The following EFEMP1 variants were observed in gnomAD, a reference collection of about 807,000 sequenced individuals.
EFEMP1 encodes EGF-like fibulin extracellular matrix protein 1.
In EFEMP1, 18 loss-of-function variants were observed where a neutral mutation model predicts 65.7. The observed-to-expected ratio is 0.27, with a 90% CI of 0.19 to 0.41. The LOEUF (loss-of-function observed/expected upper bound fraction) is 0.41. Among genes scored for constraint, EFEMP1 ranks in the 10% least tolerant of loss-of-function variants. The pLI is 1.00. For synonymous variants in EFEMP1, 237 were observed against 219.7 expected (o/e 1.08, Z -0.70); for missense variants, 469 against 624.8 (o/e 0.75, Z 2.66).
rs1670738079 is a variant in EFEMP1, at chr2:55,917,416, C to G, written c.517+249G>C. Among the ~76,000 whole-genome samples the G allele has an allele frequency of 6.6e-6, 1 of 152,126 alleles. No homozygotes were observed. Among genetic ancestry groups the G allele is most frequent in the Non-Finnish European group, 1.5e-5 (1 of 68,022 alleles). Reference sequence around the variant, plus strand: ...AAGTTTTAAAGGTTCCCAAGTGACTCTAAATATGGGCAGCTAGGGTTGGGA... The same window carrying G: ...AAGTTTTAAAGGTTCCCAAGTGACTGTAAATATGGGCAGCTAGGGTTGGGA... On this transcript the variant is annotated intron_variant, in intron 5 of 11. Coordinates refer to ENST00000355426, the MANE Select transcript of EFEMP1 (RefSeq NM_001039348.3). The surrounding 1 kb of genome is among the most constrained non-coding windows in gnomAD (Gnocchi z 6.3).
At chr2:55,905,555 C>T (rs1243178091) in intron 5 of EFEMP1, among the ~76,000 whole-genome samples, 1 of 152,168 alleles carries the variant, frequency 6.6e-6, no homozygotes, top group Non-Finnish European at 1.5e-5. Context: ...TCAAGCGATT[C>T]TCCTGTCTCA....
chr2:55,892,930 T>C (rs1313537823), intron 5 of EFEMP1, among the ~76,000 whole-genome samples: 1 of 152,194 alleles, frequency 6.6e-6, no homozygotes, highest in African/African-American at 2.4e-5. Flanking sequence ...TATTCCAAGT[T>C]TTCATTTTGA....
Position 55,867,400 on chromosome 2 carries a change from C to A in EFEMP1, c.1321-166G>T, listed in dbSNP as rs1043795183. Among the ~76,000 whole-genome samples the A allele has an allele frequency of 1.3e-5, 2 of 151,298 alleles. No homozygotes were observed. The highest frequency in any genetic ancestry group is 4.9e-5 in the African/African-American group (2 of 41,168). On this transcript the variant is annotated intron_variant, in intron 11 of 11. Coordinates refer to ENST00000355426, the MANE Select transcript of EFEMP1 (RefSeq NM_001039348.3). The surrounding 1 kb of genome is among the most constrained non-coding windows in gnomAD (Gnocchi z 4.3). ...GGTTTCAACTCTTCTTGGCTCTTAT[C>A]CCTTGTCTAATACAGTCATTAGCTC...
intron 6 of EFEMP1, among the ~76,000 whole-genome samples, chr2:55,878,564 C>T (rs1669121112): frequency 6.6e-6 from 1 of 152,136 alleles, no homozygotes. Context: ...ATTCATGATT[C>T]TACACTTTGT....
Position 55,881,613 on chromosome 2 carries a change from T to A in EFEMP1, c.639A>T (p.Val213=), listed in dbSNP as rs1406957073. ...TGCTCACTGCACTGTGGTACTTACC[T>A]ACGCACTGCTCCCCTCGCTTCTGAT... ...PGYQKRGEQC[V]DIDECTIPPY... Residue 213 remains valine (V), a splice_region_variant and synonymous_variant, in exon 6 of 12, where the codon GTA becomes GTT. Coordinates refer to ENST00000355426, the MANE Select transcript of EFEMP1 (RefSeq NM_001039348.3). 1 of 1,613,644 alleles carries A rather than the reference T, an allele frequency of 6.2e-7. No homozygotes were observed. Among genetic ancestry groups the A allele is most frequent in the East Asian group, 2.2e-5 (1 of 44,868 alleles).
rs1668637566 is a variant in EFEMP1 at position 55,867,733 on chromosome 2, G to T, written c.1321-499C>A. Reference sequence around the variant, plus strand: ...CGTATGAAGATACATAAAGGTGTATGTATAAAGGGAAGAAAAGGAAGAGCC... The same window carrying T: ...CGTATGAAGATACATAAAGGTGTATTTATAAAGGGAAGAAAAGGAAGAGCC... On this transcript the variant is annotated intron_variant, in intron 11 of 11. Coordinates refer to ENST00000355426, the MANE Select transcript of EFEMP1 (RefSeq NM_001039348.3). The surrounding 1 kb of genome is among the most constrained non-coding windows in gnomAD (Gnocchi z 4.3). Among the ~76,000 whole-genome samples the T allele has an allele frequency of 1.3e-5, 2 of 152,164 alleles. No individual in the cohort carries two copies. Among genetic ancestry groups the T allele is most frequent in the South Asian group, 4.1e-4 (2 of 4,836 alleles).
At chr2:55,874,152 A>G (rs1376187490) in intron 9 of EFEMP1, among the ~76,000 whole-genome samples, 1 of 152,064 alleles carries the variant, frequency 6.6e-6, no homozygotes, top group Non-Finnish European at 1.5e-5. Flanking sequence ...TGGGATTCAA[A>G]CAGGTTTTCT....
chr2:55,898,249 T>C (rs1198271092), intron 5 of EFEMP1, among the ~76,000 whole-genome samples: 1 of 152,178 alleles, frequency 6.6e-6, no homozygotes, highest in Non-Finnish European at 1.5e-5. Flanking sequence ...TTGATGCTTA[T>C]CTTTGTAATA....
chr2:55,902,584 C>T (rs141432317), intron 5 of EFEMP1, among the ~76,000 whole-genome samples: 1 of 152,296 alleles, frequency 6.6e-6, no homozygotes, highest in Non-Finnish European at 1.5e-5. Context: ...CGTAATTACC[C>T]ATGTCAGTGC....
Position 55,876,962 on chromosome 2 carries a change from C to G in EFEMP1, c.761-220G>C, listed in dbSNP as rs573737207. Among the ~76,000 whole-genome samples, 364 of 152,136 alleles carry G rather than the reference C, an allele frequency of 2.4e-3. 2 individuals are homozygous for G. The highest frequency in any genetic ancestry group is 7.7e-3 in the African/African-American group (319 of 41,546). ...AACTACAAACGTCTGTCATATACTT[C>G]TTTTGGAAATACCGAAATATTTTTT... is the stretch of plus-strand genomic sequence containing the variant. On this transcript the variant is annotated intron_variant, in intron 7 of 11. Coordinates refer to ENST00000355426, the MANE Select transcript of EFEMP1 (RefSeq NM_001039348.3).
chr2:55,903,732 T>C (rs1303803326), intron 5 of EFEMP1, among the ~76,000 whole-genome samples: 1 of 152,200 alleles, frequency 6.6e-6, no homozygotes, highest in African/African-American at 2.4e-5. Context: ...ACCTTTTCTA[T>C]TTTCCTTCAT....
intron 5 of EFEMP1, among the ~76,000 whole-genome samples, chr2:55,898,077 C>G (rs2903835): frequency 0.027 from 4,036 of 152,238 alleles, 184 homozygotes; most frequent in African/African-American, 0.092. Flanking sequence ...CATATTCCTT[C>G]AGTCATACAC....
At chr2:55,900,220 T>A (rs1669979770) in intron 5 of EFEMP1, among the ~76,000 whole-genome samples, 1 of 152,114 alleles carries the variant, frequency 6.6e-6, no homozygotes, top group South Asian at 2.1e-4. Flanking sequence ...TATTAGCAAA[T>A]GGATGGCTGA....
At position 55,877,493 on chromosome 2, in the gene EFEMP1, T is replaced by A. The variant is rs1187139457; in HGVS notation, c.760+253A>T. On this transcript the variant is annotated intron_variant, in intron 7 of 11. Transcript: ENST00000355426. The surrounding 1 kb of genome is among the most constrained non-coding windows in gnomAD (Gnocchi z 4.5). ...CTGCTGATTGACTGGTGTATGTATA[T>A]CAATTGATTTGTAGTTTTAAATTTG... Among the ~76,000 whole-genome samples the A allele has an allele frequency of 3.3e-5, 5 of 152,180 alleles. No individual in the cohort carries two copies. The highest frequency in any genetic ancestry group is 9.7e-5 in the African/African-American group (4 of 41,442).
intron 5 of EFEMP1, among the ~76,000 whole-genome samples, chr2:55,898,503 T>C (rs1386420442): frequency 1.3e-5 from 2 of 152,172 alleles, no homozygotes; most frequent in African/African-American, 2.4e-5. Context: ...GTTAATGCAA[T>C]TCTTTCTTTA....
rs535582672 is a variant in EFEMP1 at position 55,923,738 on chromosome 2, C to G, written c.-76G>C. Reference sequence around the variant, plus strand: ...GTGCGGCCGCGCTGCGCTCCGGGCCCGGGCAGCGAGGGGAGTGCGCAGGGG... The same window carrying G: ...GTGCGGCCGCGCTGCGCTCCGGGCCGGGGCAGCGAGGGGAGTGCGCAGGGG... On this transcript the variant is annotated 5_prime_UTR_variant, in exon 1 of 12. Coordinates refer to ENST00000355426, the MANE Select transcript of EFEMP1 (RefSeq NM_001039348.3). The surrounding 1 kb of genome is among the most constrained non-coding windows in gnomAD (Gnocchi z 5.3). 5 of 985,776 alleles carry G rather than the reference C, an allele frequency of 5.1e-6. No individual in the cohort carries two copies. The highest frequency in any genetic ancestry group is 3.6e-6 in the Non-Finnish European group (3 of 830,298). The allele number at this position is 985,776 out of a possible 1,614,324, so 61.1% of individuals were successfully genotyped here.
At chr2:55,915,283 C>T (rs902645636) in intron 5 of EFEMP1, among the ~76,000 whole-genome samples, 1 of 152,138 alleles carries the variant, frequency 6.6e-6, no homozygotes, top group Non-Finnish European at 1.5e-5. Flanking sequence ...CCTGTGTGCA[C>T]ACAGTCAACA....
At chr2:55,890,689 A>C (rs1669596138) in intron 5 of EFEMP1, among the ~76,000 whole-genome samples, 1 of 152,146 alleles carries the variant, frequency 6.6e-6, no homozygotes, top group Non-Finnish European at 1.5e-5. Flanking sequence ...GACATACTTC[A>C]CAACAACCCA....
At chr2:55,890,945 A>G (rs1288099928) in intron 5 of EFEMP1, among the ~76,000 whole-genome samples, 1 of 151,984 alleles carries the variant, frequency 6.6e-6, no homozygotes, top group Non-Finnish European at 1.5e-5. Flanking sequence ...GGAGGAAAAG[A>G]TCTTTTTATT....
Sources: gnomAD v4.1 joint callset for allele counts (sites outside exome capture counted in the v4.1 genomes callset) on GRCh38, gnomAD v4.1.1 for gene constraint, Gnocchi (gnomAD v3.1) non-coding constraint, MANE v1.5 for transcripts, NCBI Gene and HGNC (gene_info 2026-07-23, HGNC 2026-07-21) for gene names.